The following WWOX variants were observed in gnomAD, a reference collection of about 807,000 sequenced individuals.
The protein encoded by WWOX is WW domain containing oxidoreductase.
In WWOX, 69 loss-of-function variants were observed where a neutral mutation model predicts 46.2. The observed-to-expected ratio is 1.49, with a 90% CI of 1.23 to 1.82. WWOX has a LOEUF of 1.82. Ranked by LOEUF, WWOX falls within the 40% of genes most tolerant of loss-of-function variation. The probability of loss-of-function intolerance (pLI) is 0.00; values close to 1 mark genes in which losing one functional copy is unlikely to be tolerated. For synonymous variants in WWOX, 359 were observed against 202.6 expected, an observed-to-expected ratio of 1.77 and a Z score of -6.56; for missense variants, 919 against 542.6, an observed-to-expected ratio of 1.69 and a Z score of -6.89.
Position 78,683,454 on chromosome 16 carries a change from C to A in WWOX, c.1056+250702C>A, listed in dbSNP as rs1335180601. On this transcript the variant is annotated intron_variant, in intron 8 of 8. Transcript: ENST00000566780. Reference sequence around the variant, plus strand: ...ACTCTGGAGGCTGAGGCACTAGTATCACTTGAACCGGGGAGGTGGAGGTTG... The same window carrying A: ...ACTCTGGAGGCTGAGGCACTAGTATAACTTGAACCGGGGAGGTGGAGGTTG... Among the ~76,000 whole-genome samples, 5 of 151,906 alleles carry A rather than the reference C, an allele frequency of 3.3e-5. No homozygotes were observed. In the East Asian group the frequency reaches 9.7e-4, roughly 29 times the overall value.
chr16:79,177,291 C>T (rs986066107), intron 8 of WWOX, among the ~76,000 whole-genome samples: 7 of 152,274 alleles, frequency 4.6e-5, no homozygotes, highest in South Asian at 2.1e-4. Flanking sequence ...ATTTATTCCT[C>T]GCCTGGCCTC....
At chr16:78,348,609 C>T (rs571949472) in intron 5 of WWOX, among the ~76,000 whole-genome samples, 1 of 119,958 alleles carries the variant, frequency 8.3e-6, no homozygotes, top group African/African-American at 2.8e-5. Flanking sequence ...AGGCACATGC[C>T]ACTACACCCA....
At chr16:78,700,350 G>GAA (rs2048187244) in intron 8 of WWOX, among the ~76,000 whole-genome samples, 1 of 105,270 alleles carries the variant, frequency 9.5e-6, no homozygotes, top group Non-Finnish European at 2.0e-5. Flanking sequence ...GAGAGAGAGA[G>GAA]AGAGAGAGAG....
At chr16:78,442,618 C>T (rs760287596) in intron 8 of WWOX, among the ~76,000 whole-genome samples, 1 of 152,254 alleles carries the variant, frequency 6.6e-6, no homozygotes, top group Middle Eastern at 3.4e-3. Context: ...TATAGATACC[C>T]ATTCTCGTAA....
At chr16:78,919,000 C>T (rs896023592) in intron 8 of WWOX, among the ~76,000 whole-genome samples, 10 of 152,234 alleles carry the variant, frequency 6.6e-5, no homozygotes, top group East Asian at 1.9e-4. Context: ...GGTGGAAATA[C>T]AGTCGTGGTG....
At chr16:79,086,747 G>C (rs371903635) in intron 8 of WWOX, among the ~76,000 whole-genome samples, 1 of 152,196 alleles carries the variant, frequency 6.6e-6, no homozygotes, top group East Asian at 1.9e-4. Context: ...GCCAGGCATG[G>C]TGCTGCATGC....
intron 8 of WWOX, among the ~76,000 whole-genome samples, chr16:78,923,182 T>C (rs920976642): frequency 6.6e-6 from 1 of 152,110 alleles, no homozygotes; most frequent in East Asian, 1.9e-4. Flanking sequence ...GGTTTCTCCA[T>C]GTTGGTCAGG....
chr16:79,019,513 T>C (rs1382932673), intron 8 of WWOX, among the ~76,000 whole-genome samples: 1 of 152,088 alleles, frequency 6.6e-6, no homozygotes, highest in Non-Finnish European at 1.5e-5. Flanking sequence ...AGCCATCATA[T>C]ATGCAGTCTG....
intron 8 of WWOX, among the ~76,000 whole-genome samples, chr16:78,464,281 A>T (rs1347301376): frequency 1.3e-5 from 2 of 151,686 alleles, no homozygotes; most frequent in African/African-American, 4.8e-5. Flanking sequence ...AGATGGAGGG[A>T]GGCAAAAAGA....
At chr16:78,705,087 A>G (rs61352420) in intron 8 of WWOX, among the ~76,000 whole-genome samples, 47 of 152,224 alleles carry the variant, frequency 3.1e-4, no homozygotes, top group African/African-American at 1.1e-3. Context: ...TTATTGAGTT[A>G]GTTATTCCTT....
chr16:78,472,844 A>C (rs1432290852), intron 8 of WWOX, among the ~76,000 whole-genome samples: 1 of 146,630 alleles, frequency 6.8e-6, no homozygotes, highest in South Asian at 2.2e-4. Flanking sequence ...AAATTATGTC[A>C]TTTCGTTGTC....
intron 8 of WWOX, among the ~76,000 whole-genome samples, chr16:78,479,896 C>T (rs1400666897): frequency 1.3e-5 from 2 of 151,672 alleles, no homozygotes; most frequent in African/African-American, 4.9e-5. Context: ...TTCACTGCCC[C>T]CTCCTGGGAA....
At chr16:78,403,175 G>A (rs762599968) in intron 6 of WWOX, among the ~76,000 whole-genome samples, 1 of 152,166 alleles carries the variant, frequency 6.6e-6, no homozygotes, top group Admixed American at 6.5e-5. Flanking sequence ...ACTTGACCAC[G>A]TGCTTAAGCA....
intron 8 of WWOX, among the ~76,000 whole-genome samples, chr16:79,136,234 C>CT (rs1223038831): frequency 0.024 from 3,450 of 142,234 alleles, 59 homozygotes; most frequent in African/African-American, 0.057. Context: ...GTCACTTCTT[C>CT]TTTTTTTTTT....
intron 8 of WWOX, among the ~76,000 whole-genome samples, chr16:78,815,772 C>T (rs1279096778): frequency 2.0e-5 from 3 of 152,186 alleles, no homozygotes; most frequent in Admixed American, 6.5e-5. Flanking sequence ...GACAGTTGTA[C>T]GCAGACCTCT....
intron 5 of WWOX, among the ~76,000 whole-genome samples, chr16:78,348,108 A>T (rs1232306653): frequency 8.2e-6 from 1 of 122,344 alleles, no homozygotes; most frequent in Admixed American, 7.9e-5. Context: ...TTCTTTTATT[A>T]TTGCTCCCTG....
intron 8 of WWOX, among the ~76,000 whole-genome samples, chr16:78,548,930 C>A (rs2044112717): frequency 6.6e-6 from 1 of 152,138 alleles, no homozygotes; most frequent in Admixed American, 6.5e-5. Context: ...TCTTAACTGC[C>A]AAGTTTTGCC....
At position 78,195,841 on chromosome 16, in the gene WWOX, GA is replaced by G. The variant is rs1365423561; in HGVS notation, c.516+31562del. Among the ~76,000 whole-genome samples, 970 of 114,644 alleles carry G rather than the reference GA, an allele frequency of 8.5e-3. 12 individuals carry two copies. The highest frequency in any genetic ancestry group is 0.028 in the African/African-American group (915 of 32,334). 75.2% of individuals were successfully genotyped at this position (114,644 alleles called of 152,430 possible). On this transcript the variant is annotated intron_variant, in intron 5 of 8. Coordinates refer to ENST00000566780, the MANE Select transcript of WWOX (RefSeq NM_016373.4). ...TGCCTCAAAAAAAAAAAAAAAAAAA[GA>G]AAAAAAAAAGATTGAACATGTGGAA...
intron 8 of WWOX, among the ~76,000 whole-genome samples, chr16:78,515,049 A>C (rs777606026): frequency 6.6e-6 from 1 of 151,842 alleles, no homozygotes; most frequent in Non-Finnish European, 1.5e-5. Context: ...GCAAAACCCC[A>C]CCTCTACTAA....
Sources: allele counts gnomAD v4.1 joint callset (sites outside exome capture counted in the v4.1 genomes callset), GRCh38; gene constraint gnomAD v4.1.1; transcripts MANE v1.5; gene names NCBI Gene and HGNC (gene_info 2026-07-23, HGNC 2026-07-21).